Variants in CLSTN2 observed in about 807,000 individuals in gnomAD.
CLSTN2 encodes calsyntenin-2.
CLSTN2 carries 48 observed loss-of-function variants against 101.2 expected under a neutral mutation model. That is an observed-to-expected ratio of 0.47 (90% confidence interval 0.38 to 0.60). CLSTN2 has a LOEUF of 0.60. CLSTN2 is among the 20% of genes least tolerant of loss of function. The pLI is 0.00. For synonymous variants in CLSTN2, 481 were observed against 463.6 expected, an observed-to-expected ratio of 1.04 and a Z score of -0.48; for missense variants, 1,160 against 1,238.2, an observed-to-expected ratio of 0.94 and a Z score of 0.95.
chr3:140,184,634 C>T lies in CLSTN2; in HGVS notation c.232+8561C>T, dbSNP rs114248739. The stretch of plus-strand genomic sequence containing the variant: ...GGCTAAAGCAAGTCTCATAGCCAAG[C>T]CCAGAGTCAGTGCAGGAGTGGACTA... On this transcript the variant is annotated intron_variant, in intron 2 of 16. Coordinates refer to ENST00000458420, the MANE Select transcript of CLSTN2 (RefSeq NM_022131.3). 2.8e-3 allele frequency among the ~76,000 whole-genome samples: 433 copies of T among 152,254 alleles called. 1 individual carries two copies. The highest frequency in any genetic ancestry group is 0.01 in the African/African-American group (418 of 41,546).
chr3:140,083,176 T>G (rs1337821463), intron 1 of CLSTN2, among the ~76,000 whole-genome samples: 1 of 152,196 alleles, frequency 6.6e-6, no homozygotes, highest in African/African-American at 2.4e-5. Context: ...TGCTGATTTG[T>G]TTGTATGATG....
intron 1 of CLSTN2, among the ~76,000 whole-genome samples, chr3:140,115,833 A>G (rs1278340985): frequency 6.6e-6 from 1 of 152,226 alleles, no homozygotes; most frequent in Non-Finnish European, 1.5e-5. Context: ...GGAAATAAAA[A>G]GTAGCTTCCT....
chr3:140,071,196 T>G (rs2008386107), intron 1 of CLSTN2, among the ~76,000 whole-genome samples: 1 of 152,140 alleles, frequency 6.6e-6, no homozygotes, highest in Non-Finnish European at 1.5e-5. Context: ...AAAGATGGAT[T>G]ATTCAATAAT....
At chr3:140,146,906 C>T (rs549969769) in intron 1 of CLSTN2, among the ~76,000 whole-genome samples, 48 of 152,336 alleles carry the variant, frequency 3.2e-4, no homozygotes, top group African/African-American at 1.1e-3. Context: ...ATTTATTCTT[C>T]AACCCTTATT....
At chr3:140,156,953 C>T (rs1036300818) in intron 1 of CLSTN2, among the ~76,000 whole-genome samples, 1 of 152,134 alleles carries the variant, frequency 6.6e-6, no homozygotes, top group African/African-American at 2.4e-5. Flanking sequence ...AACCCGCTGA[C>T]ATCAGAGAGA....
chr3:140,249,386 T>C (rs79290825), intron 2 of CLSTN2, among the ~76,000 whole-genome samples: 2,167 of 152,264 alleles, frequency 0.014, 54 homozygotes, highest in African/African-American at 0.049. Context: ...GGACCAGCAC[T>C]CTGCAGAGGG....
intron 2 of CLSTN2, among the ~76,000 whole-genome samples, chr3:140,381,918 T>C (rs2087989938): frequency 6.6e-6 from 1 of 152,190 alleles, no homozygotes; most frequent in South Asian, 2.1e-4. Flanking sequence ...CCAGCAAGCA[T>C]TGAATTGAAT....
At chr3:140,176,105 G>A in intron 2 of CLSTN2, 32 bp downstream of exon 2, 3 of 1,610,290 alleles carry the variant, frequency 1.9e-6, no homozygotes, top group Non-Finnish European at 2.5e-6. Context: ...GCTGGGCCTG[G>A]CTCACTTTGA....
chr3:140,551,715 A>G (rs1193034195), intron 10 of CLSTN2, among the ~76,000 whole-genome samples: 1 of 152,052 alleles, frequency 6.6e-6, no homozygotes, highest in Non-Finnish European at 1.5e-5. Flanking sequence ...TAATCCTTTA[A>G]GCCCGAATCT....
intron 2 of CLSTN2, among the ~76,000 whole-genome samples, chr3:140,353,772 G>A (rs2087636780): frequency 6.6e-6 from 1 of 152,112 alleles, no homozygotes; most frequent in African/African-American, 2.4e-5. Flanking sequence ...TCTATTCTGG[G>A]CCATTTATGT....
intron 8 of CLSTN2, among the ~76,000 whole-genome samples, chr3:140,475,925 AAC>A (rs1462203781): frequency 1.3e-5 from 2 of 152,256 alleles, no homozygotes; most frequent in African/African-American, 4.8e-5. Flanking sequence ...AAGTAACGTC[AAC>A]ACAATTATAA....
chr3:140,555,019 T>C (rs1019612862), intron 10 of CLSTN2, among the ~76,000 whole-genome samples: 3 of 152,254 alleles, frequency 2.0e-5, no homozygotes, highest in African/African-American at 7.2e-5. Flanking sequence ...ATTTAATATC[T>C]AAGTGGCTTA....
At chr3:140,415,284 A>G (rs938244043) in intron 4 of CLSTN2, among the ~76,000 whole-genome samples, 6 of 152,014 alleles carry the variant, frequency 3.9e-5, no homozygotes, top group African/African-American at 1.4e-4. Flanking sequence ...AGTGGCAACA[A>G]TTTTTTAATT....
intron 5 of CLSTN2, among the ~76,000 whole-genome samples, chr3:140,445,733 GGCA>G (rs1337600746): frequency 6.6e-6 from 1 of 152,070 alleles, no homozygotes; most frequent in Non-Finnish European, 1.5e-5. Context: ...GTGCTACCAA[GGCA>G]GCAATCAAGG....
chr3:140,133,117 A>G (rs1362376702), intron 1 of CLSTN2, among the ~76,000 whole-genome samples: 1 of 152,204 alleles, frequency 6.6e-6, no homozygotes, highest in Non-Finnish European at 1.5e-5. Context: ...TTTTGCTCAT[A>G]GCAGAAGTCG....
Position 140,574,297 on chromosome 3 carries a change from G to C in CLSTN2, c.*8044G>C, listed in dbSNP as rs1387157216. 2 of 152,232 alleles carry C rather than the reference G, an allele frequency of 1.3e-5. No individual in the cohort carries two copies. The highest frequency in any genetic ancestry group is 2.9e-5 in the Non-Finnish European group (2 of 68,052). 9.4% of individuals were successfully genotyped at this position (152,232 alleles called of 1,614,324 possible). Reference sequence around the variant, plus strand: ...AGAGGACAACATTTGTGATGCACGTGGGAGAAAACAGGAGTGGGGTTGTTT... The same window carrying C: ...AGAGGACAACATTTGTGATGCACGTCGGAGAAAACAGGAGTGGGGTTGTTT... On this transcript the variant is annotated 3_prime_UTR_variant, in exon 17 of 17. Coordinates refer to ENST00000458420, the MANE Select transcript of CLSTN2 (RefSeq NM_022131.3).
At chr3:140,450,585 G>A (rs1176821042) in intron 6 of CLSTN2, among the ~76,000 whole-genome samples, 1 of 152,174 alleles carries the variant, frequency 6.6e-6, no homozygotes. Context: ...CTTGTATTTG[G>A]AGGTAACTGC....
intron 8 of CLSTN2, among the ~76,000 whole-genome samples, chr3:140,474,075 A>G (rs549914920): frequency 6.6e-6 from 1 of 152,232 alleles, no homozygotes; most frequent in South Asian, 2.1e-4. Context: ...CGCCTGGCCA[A>G]ATCTGTGTTG....
At chr3:140,495,590 T>C (rs961480539) in intron 8 of CLSTN2, among the ~76,000 whole-genome samples, 1 of 152,210 alleles carries the variant, frequency 6.6e-6, no homozygotes, top group African/African-American at 2.4e-5. Context: ...GTTTTCATAG[T>C]TTTGGGTTTT....
Sources: gnomAD v4.1 joint callset for allele counts (sites outside exome capture counted in the v4.1 genomes callset) on GRCh38, gnomAD v4.1.1 for gene constraint, MANE v1.5 for transcripts, NCBI Gene and HGNC (gene_info 2026-07-23, HGNC 2026-07-21) for gene names.